The following DMD variants were observed in gnomAD, a reference collection of about 807,000 sequenced individuals.
The protein encoded by DMD is mutant dystrophin.
DMD carries 63 observed loss-of-function variants against 330.1 expected under a neutral mutation model. The observed-to-expected ratio is 0.19, with a 90% CI of 0.16 to 0.24. The LOEUF (loss-of-function observed/expected upper bound fraction) is 0.24. Ranked by LOEUF, DMD falls within the 10% of genes least tolerant of loss-of-function variation. The pLI, the probability that DMD is intolerant of heterozygous loss-of-function variation, is 1.00. For synonymous variants in DMD, 1,223 were observed against 959.8 expected, an observed-to-expected ratio of 1.27 and a Z score of -5.07; for missense variants, 3,344 against 2,684.1, an observed-to-expected ratio of 1.25 and a Z score of -5.43.
chrX:32,445,834 A>G (rs1376979206), intron 27 of DMD, among the ~76,000 whole-genome samples: 1 of 111,416 alleles, frequency 9.0e-6, no homozygotes, highest in Non-Finnish European at 1.9e-5. Context: ...AATATTGAGA[A>G]ATGGAAAATA....
chrX:32,175,842 C>T (rs1408525033), intron 44 of DMD, among the ~76,000 whole-genome samples: 2 of 111,656 alleles, frequency 1.8e-5, no homozygotes, highest in Non-Finnish European at 3.8e-5. Context: ...GTTTTTGTGA[C>T]ACTCAGGCAT....
At chrX:32,200,107 C>G (rs1397080678) in intron 44 of DMD, among the ~76,000 whole-genome samples, 1 of 111,340 alleles carries the variant, frequency 9.0e-6, no homozygotes, top group Non-Finnish European at 1.9e-5. Flanking sequence ...AGCACACCAA[C>G]TGTGAACTCT....
intron 29 of DMD, among the ~76,000 whole-genome samples, chrX:32,422,432 C>T (rs781494698): frequency 2.7e-5 from 3 of 110,821 alleles, no homozygotes; most frequent in South Asian, 3.8e-4. Flanking sequence ...CTATGAAGAC[C>T]GAAGTTAGAA....
intron 52 of DMD, among the ~76,000 whole-genome samples, chrX:31,727,903 C>T (rs994116838): frequency 3.6e-5 from 4 of 112,412 alleles, no homozygotes; most frequent in Non-Finnish European, 7.5e-5. Context: ...AGTATTTAGT[C>T]TTAGTACAAT....
intron 25 of DMD, among the ~76,000 whole-genome samples, chrX:32,455,302 C>T (rs780626572): frequency 6.3e-5 from 7 of 111,038 alleles, no homozygotes; most frequent in South Asian, 7.4e-4. Flanking sequence ...GTGCATAAAA[C>T]GTAGTTTGGC....
At chrX:31,725,054 A>G (rs188274404) in intron 52 of DMD, among the ~76,000 whole-genome samples, 6 of 111,965 alleles carry the variant, frequency 5.4e-5, no homozygotes, top group African/African-American at 1.6e-4. Flanking sequence ...GTTGTCAGAT[A>G]AATATACCTT....
chrX:32,039,386 G>T (rs981402827), intron 44 of DMD, among the ~76,000 whole-genome samples: 15 of 111,222 alleles, frequency 1.3e-4, no homozygotes, highest in African/African-American at 3.9e-4. Flanking sequence ...AAACACTTGG[G>T]CTCAAAAATA....
intron 47 of DMD, among the ~76,000 whole-genome samples, chrX:31,925,162 C>T (rs1321513707): frequency 1.8e-5 from 2 of 111,618 alleles, no homozygotes; most frequent in Non-Finnish European, 3.8e-5. Flanking sequence ...AAAGCAAAAA[C>T]TCATATAGTT....
intron 7 of DMD, among the ~76,000 whole-genome samples, chrX:32,763,239 T>C (rs2072549743): frequency 1.8e-5 from 2 of 112,354 alleles, no homozygotes; most frequent in South Asian, 7.2e-4. Context: ...TTCAGAATTA[T>C]TTAATACAAT....
chrX:32,221,978 C>T (rs1015523579), intron 43 of DMD, among the ~76,000 whole-genome samples: 1 of 111,596 alleles, frequency 9.0e-6, no homozygotes, highest in African/African-American at 3.3e-5. Context: ...TTTTCTTTAT[C>T]CACTCATTGG....
At chrX:32,387,632 G>A (rs1200284556) in intron 32 of DMD, among the ~76,000 whole-genome samples, 1 of 111,051 alleles carries the variant, frequency 9.0e-6, no homozygotes, top group Admixed American at 9.7e-5. Flanking sequence ...TTTGACAAAT[G>A]ATGTTAACAT....
intron 64 of DMD, among the ~76,000 whole-genome samples, chrX:31,221,123 C>T (rs1050602431): frequency 2.7e-5 from 3 of 109,660 alleles, no homozygotes; most frequent in Non-Finnish European, 5.7e-5. Context: ...TTCAAGCCAC[C>T]ACATTGCTGG....
chrX:33,143,300 A>C (rs2047884243), intron 1 of DMD, among the ~76,000 whole-genome samples: 1 of 111,190 alleles, frequency 9.0e-6, no homozygotes, highest in Admixed American at 9.7e-5. Flanking sequence ...TTATATTATT[A>C]TCAATATTGG....
At position 33,235,916 on chromosome X, in the gene DMD, ATTTT is replaced by A. The variant is rs1210743904; in HGVS notation, c.7+103339_7+103342del. ...AACTTATATTATTATTATTATTATT[ATTTT>A]TTTTTTTTTTTATGAGACGGAATCT... On this transcript the variant is annotated intron_variant, in intron 1 of 17. Coordinates refer to the DMD transcript ENST00000288447. 5.9e-3 allele frequency among the ~76,000 whole-genome samples: 518 copies of A among 87,095 alleles called. 3 individuals are homozygous for A. Among genetic ancestry groups the A allele is most frequent in the African/African-American group, 0.018 (443 of 24,266 alleles). 75.6% of individuals were successfully genotyped at this position (87,095 alleles called of 115,157 possible). A position where few individuals can be genotyped will look rare whatever the true frequency, so the allele number is the denominator to read the frequency against.
chrX:31,498,731 T>A (rs1327185422), intron 56 of DMD, among the ~76,000 whole-genome samples: 1 of 111,941 alleles, frequency 8.9e-6, no homozygotes, highest in African/African-American at 3.2e-5. Context: ...AATTGCAGTA[T>A]AAACAATATG....
At chrX:32,687,865 A>G (rs1364223774) in intron 9 of DMD, among the ~76,000 whole-genome samples, 1 of 111,895 alleles carries the variant, frequency 8.9e-6, no homozygotes, top group Non-Finnish European at 1.9e-5. Flanking sequence ...GCTAAGCATT[A>G]CACAGGTATG....
At position 32,152,595 on chromosome X, in the gene DMD, T is replaced by C. The variant is rs1169780338; in HGVS notation, c.6438+64321A>G. ...CTTCAAATAAAAGTATGCCCTGCCC[T>C]TTCTTTTGCTGATAATAAATATGTG... On this transcript the variant is annotated intron_variant, in intron 44 of 78. Transcript: ENST00000357033. Among the ~76,000 whole-genome samples, 10 of 111,848 alleles carry C rather than the reference T, an allele frequency of 8.9e-5. No homozygotes were observed. In the East Asian group the frequency reaches 2.8e-3, roughly 31 times the overall value.
intron 18 of DMD, among the ~76,000 whole-genome samples, chrX:32,513,127 T>C (rs2045511824): frequency 8.9e-6 from 1 of 111,931 alleles, no homozygotes; most frequent in African/African-American, 3.3e-5. Flanking sequence ...ATCACAACCA[T>C]AGCGTGTCCC....
At chrX:31,802,610 G>A (rs955297898) in intron 50 of DMD, among the ~76,000 whole-genome samples, 5 of 111,552 alleles carry the variant, frequency 4.5e-5, no homozygotes, top group African/African-American at 1.6e-4. Context: ...TTTTAAGAAT[G>A]ACCCCCAAGA....
Sources: gnomAD v4.1 joint callset for allele counts (sites outside exome capture counted in the v4.1 genomes callset) on GRCh38, gnomAD v4.1.1 for gene constraint, MANE v1.5 for transcripts, NCBI Gene and HGNC (gene_info 2026-07-23, HGNC 2026-07-21) for gene names.